STX8: variants seen among roughly 807,000 people sequenced by gnomAD.
STX8 encodes the protein syntaxin-8.
A neutral mutation model predicts 37.5 loss-of-function variants in STX8; 23 were observed. That is an observed-to-expected ratio of 0.61 (90% CI 0.44 to 0.87). The LOEUF (loss-of-function observed/expected upper bound fraction) is 0.87, where lower values mean the gene tolerates loss of function less well. Ranked by LOEUF, STX8 falls within the 40% of genes least tolerant of loss-of-function variation. The probability of loss-of-function intolerance (pLI) is 0.00; values close to 1 mark genes in which losing one functional copy is unlikely to be tolerated. For synonymous variants in STX8, 115 were observed against 99.1 expected, an observed-to-expected ratio of 1.16 and a Z score of -0.95; for missense variants, 313 against 284.7, an observed-to-expected ratio of 1.10 and a Z score of -0.71.
At position 9,311,529 on chromosome 17, in the gene STX8, T is replaced by C. The variant is rs141953880; in HGVS notation, c.644-60884A>G. Among the ~76,000 whole-genome samples, 4 of 152,364 alleles carry C rather than the reference T, an allele frequency of 2.6e-5. No individual in the cohort carries two copies. In the East Asian group the frequency reaches 7.7e-4, roughly 29 times the overall value. Reference sequence around the variant, plus strand: ...GTTAAATAGAAAGAAATGTTTTTAATATCCATGAAATGAGGCACATATATC... The same window carrying C: ...GTTAAATAGAAAGAAATGTTTTTAACATCCATGAAATGAGGCACATATATC... On this transcript the variant is annotated intron_variant, in intron 7 of 7. Coordinates refer to ENST00000306357, the MANE Select transcript of STX8 (RefSeq NM_004853.3).
chr17:9,378,057 C>T (rs1454228931), intron 7 of STX8: 1 of 154,980 alleles, frequency 6.5e-6, no homozygotes, highest in Non-Finnish European at 1.4e-5. Context: ...AGGGGAGGGC[C>T]TCAGGATCAG....
chr17:9,253,205 G>GGGGTGT, intron 7 of STX8, among the ~76,000 whole-genome samples: 1 of 58,178 alleles, frequency 1.7e-5, no homozygotes, highest in East Asian at 3.0e-4. Flanking sequence ...GGCAGGGGTA[G>GGGGTGT]GGGTGTGTGT....
At chr17:9,277,088 C>G (rs1597579250) in intron 7 of STX8, among the ~76,000 whole-genome samples, 1 of 152,116 alleles carries the variant, frequency 6.6e-6, no homozygotes, top group Admixed American at 6.6e-5. Flanking sequence ...GCTGGGACTA[C>G]AGGTGCATAC....
chr17:9,446,203 G>A (rs1904846474), intron 6 of STX8, among the ~76,000 whole-genome samples: 1 of 152,138 alleles, frequency 6.6e-6, no homozygotes, highest in South Asian at 2.1e-4. Flanking sequence ...GGGGGCCAGG[G>A]ACTATTTTAT....
At chr17:9,446,262 T>G (rs962016780) in intron 6 of STX8, among the ~76,000 whole-genome samples, 8 of 152,218 alleles carry the variant, frequency 5.3e-5, no homozygotes, top group African/African-American at 1.9e-4. Flanking sequence ...ACATAGTAGA[T>G]CCTCACTAAA....
chr17:9,280,755 A>G (rs369349986), intron 7 of STX8, among the ~76,000 whole-genome samples: 2 of 152,332 alleles, frequency 1.3e-5, no homozygotes, highest in East Asian at 3.9e-4. Context: ...TAATATAAAC[A>G]TTTAACTCAA....
intron 7 of STX8, among the ~76,000 whole-genome samples, chr17:9,342,552 G>A (rs149674612): frequency 6.6e-6 from 1 of 152,146 alleles, no homozygotes; most frequent in African/African-American, 2.4e-5. Flanking sequence ...CAGAGCTACG[G>A]GAAGAACAGT....
intron 7 of STX8, among the ~76,000 whole-genome samples, chr17:9,339,356 T>C (rs535967919): frequency 1.4e-3 from 211 of 152,006 alleles, no homozygotes; most frequent in African/African-American, 4.8e-3. Context: ...TTAACTCCAG[T>C]ATAAAAGGAC....
At chr17:9,300,152 T>C (rs1908717642) in intron 7 of STX8, among the ~76,000 whole-genome samples, 1 of 151,818 alleles carries the variant, frequency 6.6e-6, no homozygotes. Flanking sequence ...ACCAACATGG[T>C]GAAACCTCGT....
chr17:9,501,915 G>C (rs1904626468), intron 5 of STX8, among the ~76,000 whole-genome samples: 1 of 152,112 alleles, frequency 6.6e-6, no homozygotes, highest in South Asian at 2.1e-4. Flanking sequence ...CTTGCAGTGA[G>C]CAGAGATTGC....
chr17:9,498,126 G>A (rs527685983), intron 5 of STX8, among the ~76,000 whole-genome samples: 5 of 141,946 alleles, frequency 3.5e-5, no homozygotes, highest in African/African-American at 1.1e-4. Flanking sequence ...AGTGGCTCAC[G>A]CCTGTAATCC....
At chr17:9,433,563 G>A (rs1914048332) in intron 6 of STX8, among the ~76,000 whole-genome samples, 2 of 152,118 alleles carry the variant, frequency 1.3e-5, no homozygotes, top group Admixed American at 1.3e-4. Context: ...TTTCATGGAT[G>A]TACACCTATC....
At chr17:9,458,266 T>C (rs774271906) in intron 6 of STX8, among the ~76,000 whole-genome samples, 13 of 151,456 alleles carry the variant, frequency 8.6e-5, no homozygotes, top group Non-Finnish European at 1.3e-4. Context: ...TCTCCTGCCT[T>C]AACCTCCCAA....
At chr17:9,357,852 C>T (rs1295217216) in intron 7 of STX8, among the ~76,000 whole-genome samples, 1 of 152,174 alleles carries the variant, frequency 6.6e-6, no homozygotes, top group Non-Finnish European at 1.5e-5. Flanking sequence ...AGTCATACAT[C>T]TCTAGAAGAT....
intron 6 of STX8, among the ~76,000 whole-genome samples, chr17:9,422,874 G>A (rs1913493066): frequency 6.6e-6 from 1 of 152,204 alleles, no homozygotes; most frequent in African/African-American, 2.4e-5. Flanking sequence ...CTGAAGCGCT[G>A]TTTAGGGAAG....
intron 7 of STX8, among the ~76,000 whole-genome samples, chr17:9,294,331 C>G (rs890832210): frequency 2.6e-5 from 4 of 152,204 alleles, no homozygotes; most frequent in African/African-American, 9.7e-5. Flanking sequence ...TTTCTGAGCC[C>G]TTACTATGTG....
At chr17:9,275,453 C>G (rs1324302378) in intron 7 of STX8, among the ~76,000 whole-genome samples, 1 of 152,214 alleles carries the variant, frequency 6.6e-6, no homozygotes, top group Non-Finnish European at 1.5e-5. Flanking sequence ...TATTTACATA[C>G]ACCAGCAACT....
At chr17:9,433,072 T>C (rs1188933814) in intron 6 of STX8, among the ~76,000 whole-genome samples, 1 of 152,158 alleles carries the variant, frequency 6.6e-6, no homozygotes, top group Non-Finnish European at 1.5e-5. Context: ...GTTGTGAAAA[T>C]AGTTCTAGTC....
chr17:9,303,870 T>C (rs1199907634), intron 7 of STX8, among the ~76,000 whole-genome samples: 1 of 152,188 alleles, frequency 6.6e-6, no homozygotes, highest in Non-Finnish European at 1.5e-5. Context: ...AATTCCTTTA[T>C]GTTATGTGGA....
Sources: allele counts gnomAD v4.1 joint callset (sites outside exome capture counted in the v4.1 genomes callset), GRCh38; gene constraint gnomAD v4.1.1; transcripts MANE v1.5; gene names NCBI Gene and HGNC (gene_info 2026-07-23, HGNC 2026-07-21).